VAV3: variants seen among roughly 807,000 people sequenced by gnomAD.
VAV3 encodes guanine nucleotide exchange factor VAV3.
In VAV3, 94 loss-of-function variants were observed where a neutral mutation model predicts 131.2. The ratio of observed to expected loss-of-function variants is 0.72; its 90% CI spans 0.61 to 0.85. The LOEUF (loss-of-function observed/expected upper bound fraction) is 0.85, where lower values mean the gene tolerates loss of function less well. VAV3 is among the 40% of genes least tolerant of loss of function. The pLI, the probability that VAV3 is intolerant of heterozygous loss-of-function variation, is 0.00. For missense variants in VAV3, 939 were observed against 1,002.7 expected (o/e 0.94, Z 0.86); for synonymous variants, 349 against 342.0 (o/e 1.02, Z -0.22).
chr1:107,642,458 G>C (rs1655413149), intron 20 of VAV3, among the ~76,000 whole-genome samples, 161 bp downstream of exon 20: 2 of 152,112 alleles, frequency 1.3e-5, no homozygotes, highest in Admixed American at 1.3e-4. Context: ...AACCCTCGGG[G>C]CTGCTCTGTC....
chr1:107,750,543 C>T (rs1039413256), intron 13 of VAV3, among the ~76,000 whole-genome samples: 1 of 152,106 alleles, frequency 6.6e-6, no homozygotes, highest in Non-Finnish European at 1.5e-5. Flanking sequence ...CCAGGGTTAT[C>T]GAGGAAGAAG....
chr1:107,758,677 T>C (rs966636644), intron 10 of VAV3, among the ~76,000 whole-genome samples: 1 of 152,166 alleles, frequency 6.6e-6, no homozygotes, highest in Non-Finnish European at 1.5e-5. Context: ...TAGGTTTCTA[T>C]AATATAAATC....
chr1:107,805,732 C>T (rs1363885143), intron 2 of VAV3, among the ~76,000 whole-genome samples: 1 of 152,030 alleles, frequency 6.6e-6, no homozygotes, highest in Non-Finnish European at 1.5e-5. Context: ...GATGCATCTC[C>T]GTGTCTTTAT....
At chr1:107,656,972 G>C (rs113325435) in intron 19 of VAV3, among the ~76,000 whole-genome samples, 2 of 103,438 alleles carry the variant, frequency 1.9e-5, no homozygotes, top group Non-Finnish European at 1.8e-5. Context: ...TTTTTTTTCC[G>C]AGACGATGTC....
At chr1:107,795,626 C>G (rs1666501282) in intron 2 of VAV3, among the ~76,000 whole-genome samples, 1 of 152,180 alleles carries the variant, frequency 6.6e-6, no homozygotes, top group Non-Finnish European at 1.5e-5. Flanking sequence ...CCAGAGAATA[C>G]TTGATAACAA....
At chr1:107,792,977 T>A (rs562395174) in intron 2 of VAV3, among the ~76,000 whole-genome samples, 6 of 152,260 alleles carry the variant, frequency 3.9e-5, no homozygotes, top group African/African-American at 1.4e-4. Context: ...TGTTTATCAG[T>A]ATAAATATTT....
chr1:107,877,831 A>AT (rs2101027376), intron 1 of VAV3, among the ~76,000 whole-genome samples: 1 of 152,232 alleles, frequency 6.6e-6, no homozygotes, highest in East Asian at 1.9e-4. Context: ...CTGCTCCAAA[A>AT]TTTGACTAAA....
intron 17 of VAV3, among the ~76,000 whole-genome samples, chr1:107,700,022 C>A (rs886074366): frequency 6.6e-6 from 1 of 152,204 alleles, no homozygotes; most frequent in African/African-American, 2.4e-5. Flanking sequence ...CTTTGAAAAT[C>A]TGCTGTCTAT....
intron 1 of VAV3, among the ~76,000 whole-genome samples, chr1:107,931,949 T>C (rs912576961): frequency 6.6e-6 from 1 of 152,210 alleles, no homozygotes; most frequent in Non-Finnish European, 1.5e-5. Context: ...TGAAAAAATA[T>C]AGAAATCTAT....
chr1:107,597,201 G>C (rs1276069617), intron 24 of VAV3, among the ~76,000 whole-genome samples: 1 of 148,150 alleles, frequency 6.7e-6, no homozygotes, highest in East Asian at 2.0e-4. Flanking sequence ...TGTTTCTATT[G>C]GAGCGCCTTT....
chr1:107,599,579 G>A (rs1021821173), intron 24 of VAV3, among the ~76,000 whole-genome samples: 1 of 152,090 alleles, frequency 6.6e-6, no homozygotes, highest in Non-Finnish European at 1.5e-5. Flanking sequence ...TTAATGCCTT[G>A]TAATCTGGAT....
intron 19 of VAV3, among the ~76,000 whole-genome samples, chr1:107,675,925 G>A (rs559892527): frequency 6.6e-6 from 1 of 152,238 alleles, no homozygotes; most frequent in East Asian, 1.9e-4. Flanking sequence ...CCTTTGTTGG[G>A]AATCTCCAGT....
chr1:107,832,025 AAAC>A (rs1172871600), intron 2 of VAV3, among the ~76,000 whole-genome samples: 2 of 150,328 alleles, frequency 1.3e-5, no homozygotes, highest in African/African-American at 2.4e-5. Flanking sequence ...GATTGACTTA[AAAC>A]AACAAGATGA....
intron 2 of VAV3, among the ~76,000 whole-genome samples, chr1:107,793,260 GC>G (rs1235430422): frequency 6.6e-6 from 1 of 152,116 alleles, no homozygotes; most frequent in Non-Finnish European, 1.5e-5. Flanking sequence ...TGGGTGATCT[GC>G]CCCAGAGTGT....
intron 1 of VAV3, among the ~76,000 whole-genome samples, chr1:107,911,465 G>T (rs1164191348): frequency 6.6e-6 from 1 of 152,114 alleles, no homozygotes; most frequent in Non-Finnish European, 1.5e-5. Context: ...ACAACTGGAG[G>T]CAGATAAATT....
intron 21 of VAV3, among the ~76,000 whole-genome samples, chr1:107,617,030 G>A: frequency 6.6e-6 from 1 of 152,086 alleles, no homozygotes; most frequent in East Asian, 1.9e-4. Context: ...ATTAATTGAG[G>A]AAATGTTCAT....
intron 15 of VAV3, among the ~76,000 whole-genome samples, chr1:107,732,689 T>C (rs1346874819): frequency 1.3e-5 from 2 of 152,040 alleles, no homozygotes; most frequent in Non-Finnish European, 2.9e-5. Flanking sequence ...GAGGCCTGAG[T>C]AGGTAAACAA....
chr1:107,929,307 ATT>A (rs1673311656), intron 1 of VAV3, among the ~76,000 whole-genome samples: 1 of 144,330 alleles, frequency 6.9e-6, no homozygotes, highest in Non-Finnish European at 1.5e-5. Context: ...AAAAAAAAAA[ATT>A]ATGCCCTAGA....
At chr1:107,580,356 G>C (rs1041728051) in intron 25 of VAV3, among the ~76,000 whole-genome samples, 1 of 152,068 alleles carries the variant, frequency 6.6e-6, no homozygotes, top group African/African-American at 2.4e-5. Context: ...AAATATATTC[G>C]GGTTCTATTC....
Sources: gnomAD v4.1 joint callset for allele counts (sites outside exome capture counted in the v4.1 genomes callset) on GRCh38, gnomAD v4.1.1 for gene constraint, MANE v1.5 for transcripts, NCBI Gene and HGNC (gene_info 2026-07-23, HGNC 2026-07-21) for gene names.